Variants in GANC observed in about 807,000 individuals in gnomAD.
GANC encodes glucosidase alpha, neutral C, also known as neutral alpha-glucosidase C.
In GANC, 117 loss-of-function variants were observed where a neutral mutation model predicts 124.2. The ratio of observed to expected loss-of-function variants is 0.94; its 90% CI spans 0.81 to 1.10. The LOEUF (loss-of-function observed/expected upper bound fraction) is 1.10, where lower values mean the gene tolerates loss of function less well. Ranked by LOEUF, GANC falls within the 50% of genes least tolerant of loss-of-function variation. GANC has a pLI of 0.00. For missense variants in GANC, 1,140 were observed against 1,095.0 expected, an observed-to-expected ratio of 1.04 and a Z score of -0.58; for synonymous variants, 377 against 376.8, an observed-to-expected ratio of 1.00 and a Z score of -0.01.
intron 4 of GANC, among the ~76,000 whole-genome samples, chr15:42,290,343 G>A (rs1344168998): frequency 6.6e-6 from 1 of 152,180 alleles, no homozygotes; most frequent in South Asian, 2.1e-4. Flanking sequence ...TTAGCTCAAG[G>A]TATTGTCAGA....
Position 42,273,544 on chromosome 15 carries a change from C to G in GANC, c.-938C>G, listed in dbSNP as rs531864227. ...TGCTGTGCGGCGTAGCGGCCCCTCT[C>G]TCAGACAGTCGTCTGTGCGCCGTGA... On this transcript the variant is annotated 5_prime_UTR_variant, in exon 1 of 24. Transcript: ENST00000318010. The G allele has an allele frequency of 2.4e-4, 328 of 1,378,382 alleles. 2 individuals carry two copies. In the South Asian group the frequency reaches 4.3e-3, roughly 18 times the overall value. 85.4% of individuals were successfully genotyped at this position (1,378,382 alleles called of 1,614,324 possible).
In GANC at chr15:42,326,435, A is replaced by G. The variant is rs1277269484; in HGVS notation, c.1420+11A>G. On this transcript the variant is annotated intron_variant, in intron 12 of 23. Coordinates refer to ENST00000318010, the MANE Select transcript of GANC (RefSeq NM_198141.3). ...GGGTGTGTTGGCCAGGTATGAAATC[A>G]CTTTATACACTTATTATTTCCACAT... is the stretch of plus-strand genomic sequence containing the variant. The G allele has an allele frequency of 6.2e-7, 1 of 1,613,764 alleles. No homozygotes were observed. The highest frequency in any genetic ancestry group is 8.5e-7 in the Non-Finnish European group (1 of 1,179,774).
rs755063195 is a variant in GANC at position 42,310,332 on chromosome 15, A to G, written c.772A>G (p.Ile258Val). The change falls in exon 9 of 24, where the codon ATA becomes GTA. Residue 258 changes from isoleucine to valine, a missense_variant. By Grantham distance (29) the Ile-to-Val change is conservative. Transcript: ENST00000318010. ...LYNLDVYGYQ[I>V]YDKMGIYGSV... ...TAACCTGGATGTCTATGGATACCAAATATATGATAAAATGGGCATTTATGG... is the reference window on the plus strand; with the variant it reads ...TAACCTGGATGTCTATGGATACCAAGTATATGATAAAATGGGCATTTATGG... 5 of 1,613,370 alleles carry G rather than the reference A, an allele frequency of 3.1e-6. No homozygotes were observed. The Admixed American group carries it at 5.0e-5, about 16-fold the overall frequency.
At position 42,339,793 on chromosome 15, in the gene GANC, G is replaced by C. The variant is rs756097779; in HGVS notation, c.1968G>C (p.Trp656Cys). 24 of 1,614,016 alleles carry C rather than the reference G, an allele frequency of 1.5e-5. No individual in the cohort carries two copies. In the East Asian group the frequency reaches 4.9e-4, roughly 33 times the overall value. ...TGAACACCAAGCGACGAGAGCCCTG[G>C]CTCTTTGGGGAGGAACACACCCGAC... ...ATMNTKRREP[W>C]LFGEEHTRLI... Residue 656 changes from tryptophan (W) to cysteine (C), a missense_variant, in exon 17 of 24, where the codon TGG becomes TGC. Transcript: ENST00000318010.
intron 12 of GANC, among the ~76,000 whole-genome samples, 189 bp from the exon 13 acceptor site, chr15:42,327,174 C>G (rs16973060): frequency 0.11 from 17,264 of 152,242 alleles, 1,495 homozygotes; most frequent in African/African-American, 0.21. Context: ...ATTGAAAGAT[C>G]TAGTGATTGT....
chr15:42,291,656 A>C (rs938028357), intron 4 of GANC, among the ~76,000 whole-genome samples: 1 of 152,080 alleles, frequency 6.6e-6, no homozygotes, highest in Non-Finnish European at 1.5e-5. Flanking sequence ...AGATAATGAG[A>C]CTCCAGGTAG....
intron 1 of GANC, among the ~76,000 whole-genome samples, chr15:42,275,733 A>G (rs2051664695): frequency 6.6e-6 from 1 of 152,094 alleles, no homozygotes; most frequent in Non-Finnish European, 1.5e-5. Flanking sequence ...CATGGCCCCT[A>G]GTTTGTCACC....
In GANC at chr15:42,306,632, A is replaced by G. The variant is rs373238537; in HGVS notation, c.625+20A>G. The G allele has an allele frequency of 3.9e-6, 6 of 1,537,408 alleles. No homozygotes were observed. The African/African-American group carries it at 5.5e-5, about 14-fold the overall frequency. On this transcript the variant is annotated intron_variant, in intron 7 of 23. Coordinates refer to ENST00000318010, the MANE Select transcript of GANC (RefSeq NM_198141.3). ...CTAATGGTAAAATTGAAACTGGTAT[A>G]GTATTAAAACAGATCATTCTAAAAA...
At chr15:42,327,720 A>C (rs1214270175) in intron 13 of GANC, among the ~76,000 whole-genome samples, 1 of 152,156 alleles carries the variant, frequency 6.6e-6, no homozygotes. Context: ...ATATTTTCAA[A>C]TTGCTATATA....
chr15:42,342,934 A>G (rs2052337843), intron 18 of GANC, 144 bp from the exon 19 acceptor site: 1 of 641,868 alleles, frequency 1.6e-6, no homozygotes, highest in Non-Finnish European at 2.7e-6. Context: ...CTAACAAATC[A>G]TTGGTTCAAG....
intron 7 of GANC, 41 bp downstream of exon 7, chr15:42,306,653 A>G: frequency 7.4e-7 from 1 of 1,359,842 alleles, no homozygotes; most frequent in Non-Finnish European, 1.0e-6. Flanking sequence ...AGATCATTCT[A>G]AAAATGTCTA....
intron 15 of GANC, among the ~76,000 whole-genome samples, chr15:42,336,863 C>T (rs142677045): frequency 0.019 from 2,895 of 152,180 alleles, 70 homozygotes; most frequent in African/African-American, 0.053. Context: ...ATACATGTGG[C>T]CAACAAGCAT....
Position 42,310,286 on chromosome 15 carries a change from T to TA in GANC, c.726_727insA (p.Gly243ArgfsTer8). On this transcript the variant is annotated frameshift_variant, in exon 9 of 24. Transcript: ENST00000318010. LOFTEE classifies it high-confidence loss of function. ...GATGATAATCTTTGTGTTTCAGTGATGGAGATGCTTACCGTCTTTATAACC... is the reference window on the plus strand; with the variant it reads ...GATGATAATCTTTGTGTTTCAGTGATAGGAGATGCTTACCGTCTTTATAACC... 1 of 1,584,474 alleles carries TA rather than the reference T, an allele frequency of 6.3e-7. No homozygotes were observed. The highest frequency in any genetic ancestry group is 8.6e-7 in the Non-Finnish European group (1 of 1,163,240).
chr15:42,299,652 A>G (rs1595768778), intron 6 of GANC, among the ~76,000 whole-genome samples: 1 of 152,188 alleles, frequency 6.6e-6, no homozygotes, highest in East Asian at 1.9e-4. Context: ...AGCCAAGACA[A>G]TCCTAAGCAA....
chr15:42,273,647 T>G lies in GANC; in HGVS notation c.-835T>G, dbSNP rs950831138. 1.8e-6 allele frequency: 1 copy of G among 552,072 alleles called. No individual in the cohort carries two copies. The highest frequency in any genetic ancestry group is 3.2e-5 in the Admixed American group (1 of 31,668). 34.2% of individuals were successfully genotyped at this position (552,072 alleles called of 1,614,324 possible). On this transcript the variant is annotated 5_prime_UTR_variant, in exon 1 of 24. Transcript: ENST00000318010. Reference sequence around the variant, plus strand: ...TTAGAGAGATCGCTACATGCCAGCCTGGCCTGAGTCTTTTCTGTCTCCCAG... The same window carrying G: ...TTAGAGAGATCGCTACATGCCAGCCGGGCCTGAGTCTTTTCTGTCTCCCAG...
At chr15:42,334,544 G>T (rs561447519) in intron 15 of GANC, among the ~76,000 whole-genome samples, 53 of 152,196 alleles carry the variant, frequency 3.5e-4, no homozygotes, top group African/African-American at 1.2e-3. Flanking sequence ...AGAAAAAAAT[G>T]ACAAATTAGA....
intron 19 of GANC, among the ~76,000 whole-genome samples, chr15:42,344,060 T>C (rs963270772): frequency 6.6e-6 from 1 of 152,208 alleles, no homozygotes; most frequent in Non-Finnish European, 1.5e-5. Flanking sequence ...TGCTCAGTAC[T>C]GTCAGGTGCT....
Position 42,321,841 on chromosome 15 carries a change from T to A in GANC, c.1114T>A (p.Tyr372Asn). ...GGGATACCACCAGTGCCGCTGGAACTATGAAGATGAGCAGGATGTAAAAGC... is the reference window on the plus strand; with the variant it reads ...GGGATACCACCAGTGCCGCTGGAACAATGAAGATGAGCAGGATGTAAAAGC... ...SLGYHQCRWN[Y>N]EDEQDVKAVD... Residue 372 changes from tyrosine to asparagine, a missense_variant, in exon 11 of 24, where the codon TAT (tyrosine) becomes AAT (asparagine). Transcript: ENST00000318010. 6.2e-7 allele frequency: 1 copy of A among 1,614,232 alleles called. No homozygotes were observed. Among genetic ancestry groups the A allele is most frequent in the Non-Finnish European group, 8.5e-7 (1 of 1,180,040 alleles).
At chr15:42,302,146 C>T (rs772563306) in intron 6 of GANC, among the ~76,000 whole-genome samples, 6 of 152,298 alleles carry the variant, frequency 3.9e-5, no homozygotes, top group Admixed American at 6.5e-5. Flanking sequence ...ACTAAGCTTC[C>T]AGAGGAAGGA....
Sources: allele counts gnomAD v4.1 joint callset (sites outside exome capture counted in the v4.1 genomes callset), GRCh38; gene constraint gnomAD v4.1.1; transcripts MANE v1.5; gene names NCBI Gene and HGNC (gene_info 2026-07-23, HGNC 2026-07-21).